Variants in KDM4C observed in about 807,000 individuals in gnomAD.
KDM4C encodes the protein lysine demethylase 4C.
A neutral mutation model predicts 129.3 loss-of-function variants in KDM4C; 81 were observed. That is an observed-to-expected ratio of 0.63 (90% confidence interval 0.52 to 0.75). The LOEUF is 0.75. Ranked by LOEUF, KDM4C falls within the 30% of genes least tolerant of loss-of-function variation. The pLI, the probability that KDM4C is intolerant of heterozygous loss-of-function variation, is 0.00. For synonymous variants in KDM4C, 573 were observed against 456.1 expected, an observed-to-expected ratio of 1.26 and a Z score of -3.26; for missense variants, 1,457 against 1,304.0, an observed-to-expected ratio of 1.12 and a Z score of -1.81.
chr9:6,869,892 TTAAC>T (rs748326927), intron 5 of KDM4C, among the ~76,000 whole-genome samples: 3 of 152,260 alleles, frequency 2.0e-5, no homozygotes, highest in African/African-American at 7.2e-5. Flanking sequence ...CTTTCCACAG[TTAAC>T]TAACAAGACT....
intron 4 of KDM4C, among the ~76,000 whole-genome samples, chr9:6,818,524 G>A (rs1055083316): frequency 1.4e-4 from 21 of 152,226 alleles, no homozygotes; most frequent in Admixed American, 1.4e-3. Context: ...TGGGAAGGGT[G>A]TGGCAGCAAG....
At chr9:7,172,830 A>G (rs1435996563) in intron 21 of KDM4C, among the ~76,000 whole-genome samples, 1 of 152,204 alleles carries the variant, frequency 6.6e-6, no homozygotes, top group Non-Finnish European at 1.5e-5. Context: ...GCCAGCAGCC[A>G]GGGGAAGCAG....
At position 6,821,328 on chromosome 9, in the gene KDM4C, C is replaced by G. The variant is rs539973012; in HGVS notation, c.435+6583C>G. 2.5e-3 allele frequency among the ~76,000 whole-genome samples: 379 copies of G among 152,318 alleles called. 1 individual carries two copies. Among genetic ancestry groups the G allele is most frequent in the African/African-American group, 8.8e-3 (366 of 41,578 alleles). ...TCCACAGTGGTTGAACTAATTTACGCTCCCACCAACAGTGTAAAAGCGTTC... is the reference window on the plus strand; with the variant it reads ...TCCACAGTGGTTGAACTAATTTACGGTCCCACCAACAGTGTAAAAGCGTTC... On this transcript the variant is annotated intron_variant, in intron 4 of 21. Transcript: ENST00000381309.
rs191848178 is a variant in KDM4C at position 7,011,799 on chromosome 9, G to T, written c.1888G>T (p.Ala630Ser). The T allele has an allele frequency of 2.5e-5, 40 of 1,614,130 alleles. 1 individual carries two copies. In the East Asian group the frequency reaches 7.6e-4, roughly 31 times the overall value. ...GCAGACGAAGTCCCCTAACTTCGCA[G>T]CTGAGCAAGAGTATAATGCAACAGT... The part of the protein sequence containing the change: ...LWQTKSPNFA[A>S]EQEYNATVAR... The change falls in exon 13 of 22, where the codon GCT becomes TCT. Residue 630 changes from alanine (A) to serine (S), a missense_variant. Physicochemically the swap from Ala to Ser is moderately conservative, Grantham distance 99. Coordinates refer to ENST00000381309, the MANE Select transcript of KDM4C (RefSeq NM_015061.6).
chr9:7,020,353 C>T (rs1252436549), intron 15 of KDM4C, among the ~76,000 whole-genome samples: 2 of 152,196 alleles, frequency 1.3e-5, no homozygotes, highest in Non-Finnish European at 2.9e-5. Context: ...CTTTGAGTCC[C>T]TGCCTTACCC....
At chr9:6,848,459 G>T (rs989927540) in intron 4 of KDM4C, among the ~76,000 whole-genome samples, 1 of 152,126 alleles carries the variant, frequency 6.6e-6, no homozygotes, top group African/African-American at 2.4e-5. Context: ...TTGAGGCCAG[G>T]AGTTCGAGAC....
intron 8 of KDM4C, among the ~76,000 whole-genome samples, chr9:6,917,344 G>A (rs527265388): frequency 5.0e-4 from 76 of 152,280 alleles, no homozygotes; most frequent in South Asian, 1.7e-3. Flanking sequence ...CCCCAGTAGG[G>A]TTTAAAATCC....
intron 5 of KDM4C, among the ~76,000 whole-genome samples, chr9:6,856,961 G>A (rs1839974297): frequency 6.6e-6 from 1 of 152,042 alleles, no homozygotes; most frequent in Non-Finnish European, 1.5e-5. Context: ...GTTTCACCGT[G>A]TTAGCCAGGA....
At chr9:7,133,704 C>G (rs1840887186) in intron 19 of KDM4C, among the ~76,000 whole-genome samples, 1 of 152,186 alleles carries the variant, frequency 6.6e-6, no homozygotes, top group South Asian at 2.1e-4. Context: ...AAACACAGAT[C>G]CAGTAGGACA....
At position 7,061,587 on chromosome 9, in the gene KDM4C, C is replaced by T. The variant is rs141237792; in HGVS notation, c.2424+12387C>T. On this transcript the variant is annotated intron_variant, in intron 17 of 21. Transcript: ENST00000381309. Reference sequence around the variant, plus strand: ...TCAGGTTCTCTAGAGAAGACTCGTCCAGTCTCCAGACTGAAGGGTAAAAGC... The same window carrying T: ...TCAGGTTCTCTAGAGAAGACTCGTCTAGTCTCCAGACTGAAGGGTAAAAGC... Among the ~76,000 whole-genome samples the T allele has an allele frequency of 4.5e-4, 68 of 152,300 alleles. No homozygotes were observed. The East Asian group carries it at 0.012, about 27-fold the overall frequency.
intron 18 of KDM4C, among the ~76,000 whole-genome samples, chr9:7,112,922 G>T (rs1432644162): frequency 3.9e-5 from 6 of 152,060 alleles, no homozygotes; most frequent in Non-Finnish European, 1.5e-5. Context: ...TAACAATTTG[G>T]ATATTGCAAA....
intron 17 of KDM4C, among the ~76,000 whole-genome samples, chr9:7,063,886 A>C (rs1832052094): frequency 6.6e-6 from 1 of 152,154 alleles, no homozygotes; most frequent in Non-Finnish European, 1.5e-5. Flanking sequence ...ATTTCAGTAG[A>C]GCTGGAGCGT....
chr9:6,762,642 A>G (rs576228926), intron 1 of KDM4C, among the ~76,000 whole-genome samples: 1 of 147,928 alleles, frequency 6.8e-6, no homozygotes, highest in South Asian at 2.1e-4. Flanking sequence ...AATATATAAT[A>G]TAATATATTA....
intron 17 of KDM4C, among the ~76,000 whole-genome samples, chr9:7,095,517 CTT>C (rs59318739): frequency 2.1e-4 from 31 of 145,964 alleles, no homozygotes; most frequent in South Asian, 4.3e-4. Context: ...AAACAAAGAT[CTT>C]TTTTTTTTTT....
intron 8 of KDM4C, among the ~76,000 whole-genome samples, chr9:6,895,381 T>G (rs1398372070): frequency 6.6e-6 from 1 of 152,198 alleles, no homozygotes; most frequent in Non-Finnish European, 1.5e-5. Flanking sequence ...TCATATTTGT[T>G]GCTGACTGTG....
intron 3 of KDM4C, 61 bp downstream of exon 3, chr9:6,805,835 A>G: frequency 6.8e-7 from 1 of 1,475,502 alleles, no homozygotes; most frequent in Non-Finnish European, 9.2e-7. Context: ...TATGTTAAGA[A>G]ACAAAGTAGA....
At chr9:6,970,735 G>T (rs550082418) in intron 8 of KDM4C, among the ~76,000 whole-genome samples, 6 of 152,176 alleles carry the variant, frequency 3.9e-5, no homozygotes, top group African/African-American at 1.2e-4. Context: ...GAAGGAGAAA[G>T]TATGAGCAGA....
At chr9:6,827,548 T>G (rs1834096658) in intron 4 of KDM4C, among the ~76,000 whole-genome samples, 1 of 152,250 alleles carries the variant, frequency 6.6e-6, no homozygotes. Context: ...CAGCAGATGG[T>G]GCTCTTGGAC....
At chr9:6,878,252 C>T (rs56225816) in intron 5 of KDM4C, among the ~76,000 whole-genome samples, 22,295 of 152,072 alleles carry the variant, frequency 0.15, 1,933 homozygotes, top group South Asian at 0.34. Context: ...ATTTCTGAAG[C>T]TATTAAACTA....
Sources: allele counts gnomAD v4.1 joint callset (sites outside exome capture counted in the v4.1 genomes callset), GRCh38; gene constraint gnomAD v4.1.1; transcripts MANE v1.5; gene names NCBI Gene and HGNC (gene_info 2026-07-23, HGNC 2026-07-21).